The following ABCA2 variants were observed in gnomAD, a reference collection of about 807,000 sequenced individuals.
The protein encoded by ABCA2 is ATP-binding cassette sub-family A member 2.
In ABCA2, 84 loss-of-function variants were observed where a neutral mutation model predicts 262.8. That is an observed-to-expected ratio of 0.32 (90% confidence interval 0.27 to 0.38). The LOEUF is 0.38. Ranked by LOEUF, ABCA2 falls within the 10% of genes least tolerant of loss-of-function variation. The probability of loss-of-function intolerance (pLI) is 1.00; values close to 1 mark genes in which losing one functional copy is unlikely to be tolerated. For synonymous variants in ABCA2, 1,696 were observed against 1,502.9 expected (o/e 1.13, Z -2.97); for missense variants, 2,662 against 3,405.9 (o/e 0.78, Z 5.44).
At position 137,017,133 on chromosome 9, in the gene ABCA2, G is replaced by A. The variant is rs1189771320; in HGVS notation, c.2554-9C>T. The A allele has an allele frequency of 6.2e-7, 1 of 1,612,096 alleles. No homozygotes were observed. The highest frequency in any genetic ancestry group is 1.6e-4 in the Middle Eastern group (1 of 6,062). ...GTCGTGGACATGAGGGACTGAGAAG[G>A]CAGTGGTGTCAGCACGTGGGGTGGC... On this transcript the variant is annotated splice_polypyrimidine_tract_variant and intron_variant, in intron 18 of 48. Transcript: ENST00000341511.
In ABCA2 at chr9:137,011,724, C is replaced by G. The variant is rs1831051260; in HGVS notation, c.5561G>C (p.Cys1854Ser). Reference sequence around the variant, plus strand: ...GAACACAAACAGGATGATGACACAGCAGGTAGCGGGGACCAGGTAGTTGAG... The same window carrying G: ...GAACACAAACAGGATGATGACACAGGAGGTAGCGGGGACCAGGTAGTTGAG... ...DMLNYLVPATCCVIILFVFDL... is the reference protein window; with the variant it reads ...DMLNYLVPATSCVIILFVFDL... The change falls in exon 36 of 49, where the codon TGC becomes TCC. Residue 1854 changes from cysteine to serine, a missense_variant. Around this residue, in one of 12 missense-constraint regions of ABCA2, gnomAD observed 602 missense variants for 897.4 expected, o/e 0.67. Coordinates refer to ENST00000341511, the MANE Select transcript of ABCA2 (RefSeq NM_001606.5). This position sits in a 1 kb window ranked among gnomAD's most constrained non-coding sequence, Gnocchi z 8.8. 5.8e-6 allele frequency: 9 copies of G among 1,552,690 alleles called. No individual in the cohort carries two copies. Among genetic ancestry groups the G allele is most frequent in the Non-Finnish European group, 7.8e-6 (9 of 1,148,746 alleles).
chr9:137,013,355 C>T, intron 29 of ABCA2, 37 bp from the exon 30 acceptor site: 1 of 1,527,468 alleles, frequency 6.5e-7, no homozygotes, highest in Admixed American at 2.0e-5. Context: ...GGCTGCCAGT[C>T]TCCGCCCCTC....
Position 137,018,797 on chromosome 9 carries a change from T to C in ABCA2, c.1741A>G (p.Lys581Glu). 6 of 1,612,596 alleles carry C rather than the reference T, an allele frequency of 3.7e-6. No individual in the cohort carries two copies. Among genetic ancestry groups the C allele is most frequent in the Non-Finnish European group, 5.1e-6 (6 of 1,179,830 alleles). ...ATGCTCTCCTCGTCGGGGAAGCCCT[T>C]GAAGATGTCCACGCTCACCTAGCGG... is the stretch of plus-strand genomic sequence containing the variant. ...FMSKVSVDIF[K>E]GFPDEESIVN... The change falls in exon 13 of 49, where the codon AAG becomes GAG. Residue 581 changes from lysine (K) to glutamate (E), a missense_variant. Around this residue, in one of 12 missense-constraint regions of ABCA2, gnomAD observed 187 missense variants for 205.9 expected, o/e 0.91. Transcript: ENST00000341511.
chr9:137,012,468 C>A lies in ABCA2; in HGVS notation c.5187+17G>T, dbSNP rs752610420. The A allele has an allele frequency of 5.6e-6, 9 of 1,610,590 alleles. No homozygotes were observed. In the South Asian group the frequency reaches 6.6e-5, roughly 12 times the overall value. On this transcript the variant is annotated intron_variant, in intron 32 of 48. Transcript: ENST00000341511. Reference sequence around the variant, plus strand: ...GGCGCTACACACAGCGGGGCCCAGGCCCGCAGCCTCGCTCACCTGGGCAGC... The same window carrying A: ...GGCGCTACACACAGCGGGGCCCAGGACCGCAGCCTCGCTCACCTGGGCAGC...
intron 46 of ABCA2, 32 bp from the exon 47 acceptor site, chr9:137,008,900 G>GCCCCCCCCCCCCCCCCCCCCCCCCCC (rs59031144): frequency 6.5e-7 from 1 of 1,535,812 alleles, no homozygotes. Flanking sequence ...GCCTGGCAGC[G>GCCCCCCCCCCCCCCCCCCCCCCCCCC]CCCCCCCACC....
At chr9:137,010,559 C>T (rs1022944001) in intron 40 of ABCA2, 61 bp downstream of exon 40, 1 of 1,552,896 alleles carries the variant, frequency 6.4e-7, no homozygotes. Context: ...ACTGCTGGGG[C>T]CCCACCCCCC....
intron 45 of ABCA2, 137 bp downstream of exon 45, chr9:137,009,232 TC>T: frequency 1.6e-5 from 8 of 514,582 alleles, no homozygotes; most frequent in East Asian, 4.2e-5. Flanking sequence ...ACTGCCCCAG[TC>T]CCCCCAGCCC....
At chr9:137,022,578 C>A in intron 5 of ABCA2, 100 bp from the exon 6 acceptor site, 2 of 1,559,126 alleles carry the variant, frequency 1.3e-6, no homozygotes, top group South Asian at 1.2e-5. Flanking sequence ...TCTGCCACTG[C>A]AGCCTGTGCG....
rs762809493 is a variant in ABCA2 at position 137,022,367 on chromosome 9, C to T, written c.551G>A (p.Arg184His). 52 of 1,608,306 alleles carry T rather than the reference C, an allele frequency of 3.2e-5. 1 individual carries two copies. In the South Asian group the frequency reaches 4.1e-4, roughly 13 times the overall value. Residue 184 changes from arginine to histidine, a missense_variant, in exon 6 of 49, where the codon CGT becomes CAT. Physicochemically the swap from Arg to His is conservative, Grantham distance 29. Coordinates refer to ENST00000341511, the MANE Select transcript of ABCA2 (RefSeq NM_001606.5). ...NSTAQALLAA[R>H]VDPPEVYHLL... is the part of the protein sequence containing the mutation. ...CTGCCTTACCTCGGGCGGGTCCACA[C>T]GGGCGGCCAAGAGTGCTTGGGCCGT...
At position 137,008,823 on chromosome 9, in the gene ABCA2, T is replaced by C. The variant is rs1453210626; in HGVS notation, c.6976A>G (p.Ile2326Val). The part of the protein sequence containing the change: ...KVQYQLKSEH[I>V]SLAQVFSKME... ...TTGCTGAACACCTGGGCCAGCGAGA[T>C]GTGCTCCGACTTGAGCTGGTACTGC... is the stretch of plus-strand genomic sequence containing the variant. Residue 2326 changes from isoleucine to valine, a missense_variant, in exon 47 of 49, where the codon ATC becomes GTC. By Grantham distance (29) the Ile-to-Val change is conservative. Transcript: ENST00000341511. 7 of 1,605,706 alleles carry C rather than the reference T, an allele frequency of 4.4e-6. No homozygotes were observed. The highest frequency in any genetic ancestry group is 5.9e-6 in the Non-Finnish European group (7 of 1,179,486).
chr9:137,012,114 G>C lies in ABCA2; in HGVS notation c.5348C>G (p.Ser1783Cys). The C allele has an allele frequency of 6.2e-7, 1 of 1,612,676 alleles. No homozygotes were observed. Among genetic ancestry groups the C allele is most frequent in the Non-Finnish European group, 8.5e-7 (1 of 1,179,928 alleles). ...HPMNKTSASL[S>C]LDYLLQGTDV... is the part of the protein sequence containing the mutation. The stretch of plus-strand genomic sequence containing the variant: ...TGGCCACACTTACAGGTAATCCAGG[G>C]AGAGGCTGGCGCTGGTCTTATTCAT... Residue 1783 changes from serine (S) to cysteine (C), a missense_variant, in exon 34 of 49, where the codon TCC (serine) becomes TGC (cysteine). Physicochemically the swap from Ser to Cys is moderately radical, Grantham distance 112 (BLOSUM62 -1). Around this residue, in one of 12 missense-constraint regions of ABCA2, gnomAD observed 602 missense variants for 897.4 expected, o/e 0.67. Transcript: ENST00000341511.
chr9:137,008,900 G>GCCCCCCCCCCCCCCTAGCCCCCC (rs59031144), intron 46 of ABCA2, 32 bp from the exon 47 acceptor site: 3 of 1,556,356 alleles, frequency 1.9e-6, no homozygotes, highest in East Asian at 2.3e-5. Context: ...GCCTGGCAGC[G>GCCCCCCCCCCCCCCTAGCCCCCC]CCCCCCCACC....
intron 1 of ABCA2, among the ~76,000 whole-genome samples, chr9:137,027,278 G>A (rs1006536864): frequency 1.3e-4 from 20 of 152,212 alleles, no homozygotes; most frequent in African/African-American, 3.6e-4. Flanking sequence ...CAAGCCCCTC[G>A]CTCCACGAAG....
In ABCA2 at chr9:137,010,136, G is replaced by T. The variant is rs767374854; in HGVS notation, c.6354-12C>A. 33 of 1,590,990 alleles carry T rather than the reference G, an allele frequency of 2.1e-5. No homozygotes were observed. The highest frequency in any genetic ancestry group is 2.8e-5 in the Non-Finnish European group (33 of 1,173,964). Reference sequence around the variant, plus strand: ...GCTCCTTCAGCACGCTGGGGACACGGCAGCTGTCAGCGCGTGAGGACGCGG... The same window carrying T: ...GCTCCTTCAGCACGCTGGGGACACGTCAGCTGTCAGCGCGTGAGGACGCGG... On this transcript the variant is annotated splice_polypyrimidine_tract_variant and intron_variant, in intron 41 of 48. Transcript: ENST00000341511.
intron 48 of ABCA2, 177 bp from the exon 49 acceptor site, chr9:137,008,141 C>T: frequency 2.3e-6 from 2 of 863,802 alleles, no homozygotes; most frequent in Non-Finnish European, 1.8e-6. Context: ...AGTCTGGGGG[C>T]CACTGAGTCT....
In ABCA2 at chr9:137,018,165, G is replaced by A. The variant is rs1265427042; in HGVS notation, c.1993+13C>T. 7 of 1,611,300 alleles carry A rather than the reference G, an allele frequency of 4.3e-6. No individual in the cohort carries two copies. The East Asian group carries it at 1.1e-4, about 26-fold the overall frequency. On this transcript the variant is annotated intron_variant, in intron 14 of 48. Transcript: ENST00000341511. ...ATGAATCCTCCAGCCGGTCTTCCGG[G>A]CCTGCTCCTCACCCTGGATCCAGAC... is the stretch of plus-strand genomic sequence containing the variant.
Position 137,007,542 on chromosome 9 carries a change from T to A in ABCA2, c.*387A>T, listed in dbSNP as rs1830877020. The A allele has an allele frequency of 3.3e-6, 1 of 298,608 alleles. No homozygotes were observed. Among genetic ancestry groups the A allele is most frequent in the Non-Finnish European group, 6.4e-6 (1 of 155,424 alleles). The allele number at this position is 298,608 out of a possible 1,614,324, so 18.5% of individuals were successfully genotyped here. On this transcript the variant is annotated 3_prime_UTR_variant, in exon 49 of 49. Transcript: ENST00000341511. The stretch of plus-strand genomic sequence containing the variant: ...CTCCGCCCACAGCCCGCTCTCGGCA[T>A]CAGCCTTCATCGTAAGAGAGAAAAG...
upstream of ABCA2, chr9:137,028,713 C>G: frequency 8.0e-7 from 1 of 1,251,574 alleles, no homozygotes; most frequent in Non-Finnish European, 1.0e-6. The surrounding 1 kb of genome is among the most constrained non-coding windows in gnomAD (Gnocchi z 6.9). Flanking sequence ...CAGGTGGTGC[C>G]CACCTGGAAG....
chr9:137,024,143 C>T lies in ABCA2; in HGVS notation c.160G>A (p.Val54Ile), dbSNP rs948082846. 2.5e-6 allele frequency: 4 copies of T among 1,607,762 alleles called. No homozygotes were observed. Among genetic ancestry groups the T allele is most frequent in the South Asian group, 2.2e-5 (2 of 90,012 alleles). The change falls in exon 2 of 49, where the codon GTC (valine) becomes ATC (isoleucine). Residue 54 changes from valine (V) to isoleucine (I), a missense_variant and splice_region_variant. Around this residue, in one of 12 missense-constraint regions of ABCA2, gnomAD observed 101 missense variants for 152.3 expected, o/e 0.66. Transcript: ENST00000341511. ...GCCTGGGGCCTCCTGCCGCACTCAC[C>T]TTCCTTCACGGAGATGGTGGGCTTC... ...QKKPTISVKE[V>I]SFYTAAPLTS...
Sources: gnomAD v4.1 joint callset for allele counts (sites outside exome capture counted in the v4.1 genomes callset) on GRCh38, gnomAD v4.1.1 for gene constraint, gnomAD v4.1.1 regional missense constraint, Gnocchi (gnomAD v3.1) non-coding constraint, MANE v1.5 for transcripts, NCBI Gene and HGNC (gene_info 2026-07-23, HGNC 2026-07-21) for gene names.